RET: variants seen among roughly 807,000 people sequenced by gnomAD.
The protein encoded by RET is proto-oncogene tyrosine-protein kinase receptor Ret.
In RET, 19 loss-of-function variants were observed where a neutral mutation model predicts 118.3. The observed-to-expected ratio is 0.16, with a 90% CI of 0.11 to 0.24. The LOEUF (loss-of-function observed/expected upper bound fraction) is 0.24. Among genes scored for constraint, RET ranks in the 10% least tolerant of loss-of-function variants. RET has a pLI of 1.00. For missense variants in RET, 1,219 were observed against 1,502.1 expected (o/e 0.81, Z 3.12); for synonymous variants, 597 against 644.1 (o/e 0.93, Z 1.11).
At position 43,100,523 on chromosome 10, in the gene RET, C is replaced by T. The variant is rs1177522214; in HGVS notation, c.138C>T (p.Ala46=). The part of the protein sequence containing the change: ...YWEKLYVDQA[A]GTPLLYVHAL... The stretch of plus-strand genomic sequence containing the variant: ...AGAAGCTGTATGTGGACCAGGCAGC[C>T]GGCACGCCCTTGCTGTACGTCCATG... The change falls in exon 2 of 20, where the codon GCC becomes GCT. Residue 46 remains alanine (A), a synonymous_variant. Coordinates refer to ENST00000355710, the MANE Select transcript of RET (RefSeq NM_020975.6). 6.8e-6 allele frequency: 11 copies of T among 1,613,904 alleles called. No individual in the cohort carries two copies. The highest frequency in any genetic ancestry group is 2.2e-5 in the East Asian group (1 of 44,880).
At chr10:43,111,832 G>A (rs920791002) in intron 7 of RET, among the ~76,000 whole-genome samples, 9 of 152,204 alleles carry the variant, frequency 5.9e-5, no homozygotes, top group African/African-American at 1.2e-4. Context: ...CCCACAGGGC[G>A]TCGTTGGCTG....
At chr10:43,085,816 A>G (rs562790742) in intron 1 of RET, among the ~76,000 whole-genome samples, 3 of 152,258 alleles carry the variant, frequency 2.0e-5, no homozygotes, top group South Asian at 2.1e-4. Flanking sequence ...CTTTGCTCCC[A>G]GGACCTGGAT....
At chr10:43,102,758 G>C in intron 3 of RET, 129 bp downstream of exon 3, 1 of 1,178,300 alleles carries the variant, frequency 8.5e-7, no homozygotes, top group Non-Finnish European at 1.2e-6. Context: ...TATTCCAGAA[G>C]TACCTCTTGC....
chr10:43,099,860 C>T (rs1244220560), intron 1 of RET, among the ~76,000 whole-genome samples: 1 of 152,230 alleles, frequency 6.6e-6, no homozygotes, highest in Admixed American at 6.5e-5. Context: ...ATAGTTCATC[C>T]TTTTCCATTG....
intron 1 of RET, among the ~76,000 whole-genome samples, chr10:43,095,267 G>C (rs1180027266): frequency 6.6e-6 from 1 of 152,174 alleles, no homozygotes; most frequent in Non-Finnish European, 1.5e-5. Context: ...CATGCTTTGG[G>C]TATGTGCTAG....
intron 17 of RET, among the ~76,000 whole-genome samples, chr10:43,124,589 T>C (rs1838289810): frequency 6.6e-6 from 1 of 152,228 alleles, no homozygotes. Context: ...TTTACCAGTG[T>C]CTTTGCAAGG....
chr10:43,104,853 G>A (rs1317078686), intron 3 of RET, 99 bp from the exon 4 acceptor site: 1 of 1,500,702 alleles, frequency 6.7e-7, no homozygotes, highest in East Asian at 2.5e-5. Flanking sequence ...CCGCGGCGGT[G>A]TGCGCCCCGC....
At position 43,106,045 on chromosome 10, in the gene RET, A is replaced by G. The variant is rs957776222; in HGVS notation, c.868-331A>G. Among the ~76,000 whole-genome samples the G allele has an allele frequency of 1.1e-4, 16 of 151,872 alleles. No individual in the cohort carries two copies. The highest frequency in any genetic ancestry group is 9.2e-4 in the Admixed American group (14 of 15,252). On this transcript the variant is annotated intron_variant, in intron 4 of 19. Transcript: ENST00000355710. This position sits in a 1 kb window ranked among gnomAD's most constrained non-coding sequence, Gnocchi z 5.1. Reference sequence around the variant, plus strand: ...GTGGGGCCCAGCTTCCTCAGGGGAGAGTGGAGGTGCTCATCCTGCTCTCTG... The same window carrying G: ...GTGGGGCCCAGCTTCCTCAGGGGAGGGTGGAGGTGCTCATCCTGCTCTCTG...
intron 6 of RET, 133 bp from the exon 7 acceptor site, chr10:43,111,074 G>A: frequency 7.9e-7 from 1 of 1,269,910 alleles, no homozygotes; most frequent in Non-Finnish European, 1.1e-6. Flanking sequence ...AGGACAGGGT[G>A]CTCGGGGGGG....
chr10:43,110,848 G>T (rs962672480), intron 6 of RET, among the ~76,000 whole-genome samples: 9 of 152,326 alleles, frequency 5.9e-5, no homozygotes, highest in African/African-American at 2.2e-4. Context: ...AGACATTCCG[G>T]CGGCTTTGTT....
chr10:43,094,375 G>C (rs868760270), intron 1 of RET, among the ~76,000 whole-genome samples: 2 of 151,810 alleles, frequency 1.3e-5, no homozygotes, highest in South Asian at 2.1e-4. Flanking sequence ...TCGCATGAGG[G>C]GTTCTGCAGG....
At position 43,106,869 on chromosome 10, in the gene RET, A is replaced by G. The variant is rs1391502048; in HGVS notation, c.1063+298A>G. On this transcript the variant is annotated intron_variant, in intron 5 of 19. Coordinates refer to ENST00000355710, the MANE Select transcript of RET (RefSeq NM_020975.6). This position sits in a 1 kb window ranked among gnomAD's most constrained non-coding sequence, Gnocchi z 5.1. ...AGGGCTCACCACCGACTGCAAACAC[A>G]CATGTCACCTGAGGCTTTCCTCCAG... Among the ~76,000 whole-genome samples, 1 of 152,080 alleles carries G rather than the reference A, an allele frequency of 6.6e-6. No homozygotes were observed. Among genetic ancestry groups the G allele is most frequent in the Non-Finnish European group, 1.5e-5 (1 of 68,004 alleles).
intron 1 of RET, among the ~76,000 whole-genome samples, chr10:43,083,405 G>A (rs995520098): frequency 4.9e-4 from 74 of 152,226 alleles, no homozygotes; most frequent in Admixed American, 2.6e-4. Flanking sequence ...CATCTACTAT[G>A]TCCTTCTTGT....
rs2132826945 is a variant in RET at position 43,113,572 on chromosome 10, G to A, written c.1776G>A (p.Gly592=). Residue 592 remains glycine (G), a synonymous_variant, in exon 10 of 20, where the codon GGG becomes GGA. Coordinates refer to ENST00000355710, the MANE Select transcript of RET (RefSeq NM_020975.6). ...PQDCLRGSIV[G]GHEPGEPRGI... is the part of the protein sequence containing the mutation. The stretch of plus-strand genomic sequence containing the variant: ...TGCCCTCAGGGGGCAGCATTGTTGG[G>A]GGACACGAGCCTGGGGAGCCCCGGG... 6.2e-7 allele frequency: 1 copy of A among 1,609,460 alleles called. No individual in the cohort carries two copies. Among genetic ancestry groups the A allele is most frequent in the Non-Finnish European group, 8.5e-7 (1 of 1,178,600 alleles).
Position 43,128,206 on chromosome 10 carries a change from T to C in RET, c.3282T>C (p.Ser1094=), listed in dbSNP as rs779779706. The C allele has an allele frequency of 6.2e-7, 1 of 1,614,190 alleles. No individual in the cohort carries two copies. The highest frequency in any genetic ancestry group is 1.1e-5 in the South Asian group (1 of 91,086). ...NTGFPRYPND[S]VYANWMLSPS... ...GGTTTCCAAGATATCCAAATGATAGTGTATATGCTAACTGGATGCTTTCAC... is the reference window on the plus strand; with the variant it reads ...GGTTTCCAAGATATCCAAATGATAGCGTATATGCTAACTGGATGCTTTCAC... Residue 1094 remains serine, a synonymous_variant, in exon 20 of 20, where the codon AGT becomes AGC. Coordinates refer to ENST00000355710, the MANE Select transcript of RET (RefSeq NM_020975.6).
chr10:43,120,818 T>C (rs1167147515), intron 15 of RET, among the ~76,000 whole-genome samples: 1 of 152,168 alleles, frequency 6.6e-6, no homozygotes, highest in Admixed American at 6.5e-5. Context: ...TTAGTTTTTC[T>C]GCCCATGTCA....
At chr10:43,079,091 G>A (rs908336990) in intron 1 of RET, among the ~76,000 whole-genome samples, 2 of 152,214 alleles carry the variant, frequency 1.3e-5, no homozygotes, top group South Asian at 2.1e-4. Context: ...GGCCTCAAGC[G>A]CCCTCTTGCG....
intron 14 of RET, 58 bp downstream of exon 14, chr10:43,119,803 C>G (rs1347559469): frequency 1.3e-5 from 20 of 1,551,140 alleles, no homozygotes; most frequent in Non-Finnish European, 1.8e-5. Flanking sequence ...CCTGACCCAC[C>G]ACGCCCCTGC....
intron 12 of RET, among the ~76,000 whole-genome samples, chr10:43,117,307 C>CG (rs1838095465): frequency 6.6e-6 from 1 of 152,224 alleles, no homozygotes; most frequent in Admixed American, 6.5e-5. Flanking sequence ...CTGCAGTAGT[C>CG]GGGGGCTGCA....
Sources: allele counts gnomAD v4.1 joint callset (sites outside exome capture counted in the v4.1 genomes callset), GRCh38; gene constraint gnomAD v4.1.1; non-coding constraint Gnocchi (gnomAD v3.1); transcripts MANE v1.5; gene names NCBI Gene and HGNC (gene_info 2026-07-23, HGNC 2026-07-21).